NCKAP5: variants seen among roughly 807,000 people sequenced by gnomAD.
NCKAP5 encodes NCK associated protein 5.
NCKAP5 carries 92 observed loss-of-function variants against 167.0 expected under a neutral mutation model. That is an observed-to-expected ratio of 0.55 (90% CI 0.47 to 0.66). The LOEUF is 0.66. Among genes scored for constraint, NCKAP5 ranks in the 30% least tolerant of loss-of-function variants. The pLI, the probability that NCKAP5 is intolerant of heterozygous loss-of-function variation, is 0.00. For synonymous variants in NCKAP5, 891 were observed against 877.4 expected (o/e 1.02, Z -0.27); for missense variants, 2,378 against 2,315.0 (o/e 1.03, Z -0.56).
chr2:133,458,229 A>G (rs1328409201), intron 3 of NCKAP5, among the ~76,000 whole-genome samples: 2 of 152,214 alleles, frequency 1.3e-5, no homozygotes, highest in African/African-American at 4.8e-5. Context: ...GCGAAAATCT[A>G]CTAGCTGTTG....
intron 3 of NCKAP5, among the ~76,000 whole-genome samples, chr2:133,392,472 G>A (rs1330076111): frequency 1.3e-5 from 2 of 152,092 alleles, no homozygotes; most frequent in South Asian, 2.1e-4. Context: ...TGTAGTATAC[G>A]ACTTTAAAAA....
chr2:133,102,321 G>A (rs970614361), intron 6 of NCKAP5, among the ~76,000 whole-genome samples: 2 of 151,922 alleles, frequency 1.3e-5, no homozygotes, highest in South Asian at 2.1e-4. Flanking sequence ...TAATTTTTTT[G>A]TATTTTTAGT....
chr2:132,681,481 A>G (rs1685224428), intron 19 of NCKAP5, among the ~76,000 whole-genome samples: 1 of 152,084 alleles, frequency 6.6e-6, no homozygotes, highest in Non-Finnish European at 1.5e-5. Flanking sequence ...CTTTTGTCAG[A>G]TGAAAATGCA....
chr2:133,326,938 ACTGCTG>A (rs149209722), intron 3 of NCKAP5, among the ~76,000 whole-genome samples: 2 of 152,254 alleles, frequency 1.3e-5, no homozygotes, highest in Admixed American at 6.5e-5. Flanking sequence ...CATACTCGCA[ACTGCTG>A]CTGCTGCTGC....
At chr2:132,761,963 C>T (rs1029855895) in intron 16 of NCKAP5, among the ~76,000 whole-genome samples, 1 of 152,088 alleles carries the variant, frequency 6.6e-6, no homozygotes, top group Non-Finnish European at 1.5e-5. Context: ...GACTCTGGTG[C>T]CTGAGAGGTG....
chr2:133,334,186 C>T (rs1683061944), intron 3 of NCKAP5, among the ~76,000 whole-genome samples: 1 of 152,184 alleles, frequency 6.6e-6, no homozygotes, highest in Admixed American at 6.5e-5. Context: ...TAGACCAAGT[C>T]TCTCAGTCAC....
the NCKAP5 span, among the ~76,000 whole-genome samples, chr2:133,670,572 G>A: frequency 5.9e-5 from 9 of 152,256 alleles, no homozygotes; most frequent in Middle Eastern, 3.4e-3. Flanking sequence ...TGTGCATCTT[G>A]TGGCAGGCAC....
intron 3 of NCKAP5, among the ~76,000 whole-genome samples, chr2:133,336,547 A>T (rs1247599728): frequency 6.6e-6 from 1 of 152,206 alleles, no homozygotes; most frequent in Non-Finnish European, 1.5e-5. Context: ...ATTGTAGAGG[A>T]AGATGCAGGA....
At chr2:132,976,671 T>C (rs1295430391) in intron 7 of NCKAP5, among the ~76,000 whole-genome samples, 2 of 151,578 alleles carry the variant, frequency 1.3e-5, no homozygotes, top group African/African-American at 4.9e-5. Context: ...CAAGAAATGA[T>C]AAGTATGTGA....
chr2:133,420,012 A>C (rs1219114932), intron 3 of NCKAP5, among the ~76,000 whole-genome samples: 2 of 152,200 alleles, frequency 1.3e-5, no homozygotes, highest in Admixed American at 1.3e-4. Context: ...GACCATGTTG[A>C]CATTTCTGTC....
chr2:132,866,419 G>T (rs1447556), intron 10 of NCKAP5, among the ~76,000 whole-genome samples: 39,787 of 152,138 alleles, frequency 0.26, 5,573 homozygotes, highest in East Asian at 0.45. Flanking sequence ...AGGAAGAAAA[G>T]TTGGGTTTAA....
intron 8 of NCKAP5, among the ~76,000 whole-genome samples, chr2:132,885,746 C>A (rs1471446090): frequency 6.6e-6 from 1 of 152,208 alleles, no homozygotes; most frequent in African/African-American, 2.4e-5. Flanking sequence ...ATTGAAAAAT[C>A]TGATGCTTCT....
chr2:133,631,214 C>G, the NCKAP5 span, among the ~76,000 whole-genome samples: 2 of 152,146 alleles, frequency 1.3e-5, no homozygotes, highest in South Asian at 2.1e-4. Flanking sequence ...GGTTATATCA[C>G]AAATGGAGAT....
intron 2 of NCKAP5, among the ~76,000 whole-genome samples, chr2:133,545,871 C>T (rs75314899): frequency 0.092 from 14,054 of 152,150 alleles, 793 homozygotes; most frequent in East Asian, 0.3. Flanking sequence ...GATACACAAA[C>T]CTCTTCATCA....
intron 8 of NCKAP5, among the ~76,000 whole-genome samples, chr2:132,895,835 A>C (rs970770081): frequency 1.1e-5 from 1 of 91,064 alleles, no homozygotes; most frequent in Admixed American, 1.1e-4. Flanking sequence ...AAAAAAAAAC[A>C]AAAAAAAAAA....
chr2:133,478,519 G>C (rs1187435439), intron 3 of NCKAP5, among the ~76,000 whole-genome samples: 1 of 152,134 alleles, frequency 6.6e-6, no homozygotes, highest in Non-Finnish European at 1.5e-5. Flanking sequence ...CTCCTGCCCT[G>C]ACACCTCGAT....
At chr2:133,102,293 C>T (rs368737758) in intron 6 of NCKAP5, among the ~76,000 whole-genome samples, 10 of 152,190 alleles carry the variant, frequency 6.6e-5, no homozygotes, top group African/African-American at 1.4e-4. Context: ...ACTATAGGCA[C>T]GTGCCACCAA....
chr2:133,637,521 C>T, the NCKAP5 span, among the ~76,000 whole-genome samples: 3 of 73,022 alleles, frequency 4.1e-5, no homozygotes, highest in Admixed American at 1.3e-4. Flanking sequence ...TATAAAGAAG[C>T]AATCTTGAAA....
chr2:133,577,392 G>A, the NCKAP5 span, among the ~76,000 whole-genome samples: 552 of 152,260 alleles, frequency 3.6e-3, 3 homozygotes, highest in Non-Finnish European at 5.6e-3. Context: ...CTATAGCATT[G>A]TAATGTTTGG....
Sources: gnomAD v4.1 joint callset for allele counts (sites outside exome capture counted in the v4.1 genomes callset) on GRCh38, gnomAD v4.1.1 for gene constraint, MANE v1.5 for transcripts, NCBI Gene and HGNC (gene_info 2026-07-23, HGNC 2026-07-21) for gene names.